LRRC4C: variants seen among roughly 807,000 people sequenced by gnomAD.
LRRC4C encodes leucine-rich repeat-containing protein 4C.
In LRRC4C, 5 loss-of-function variants were observed where a neutral mutation model predicts 33.6. That is an observed-to-expected ratio of 0.15 (90% confidence interval 0.08 to 0.31). The LOEUF is 0.31. Among genes scored for constraint, LRRC4C ranks in the 10% least tolerant of loss-of-function variants. LRRC4C has a pLI of 1.00. For synonymous variants in LRRC4C, 329 were observed against 302.0 expected (o/e 1.09, Z -0.93); for missense variants, 560 against 796.7 (o/e 0.70, Z 3.58).
At chr11:41,046,370 C>T (rs1857775042) in intron 1 of LRRC4C, among the ~76,000 whole-genome samples, 1 of 152,168 alleles carries the variant, frequency 6.6e-6, no homozygotes, top group African/African-American at 2.4e-5. Context: ...CTCTTTCTGA[C>T]TCTAATTTTG....
intron 5 of LRRC4C, among the ~76,000 whole-genome samples, chr11:40,239,364 C>T (rs1178184622): frequency 1.3e-5 from 2 of 152,120 alleles, no homozygotes; most frequent in African/African-American, 4.8e-5. Flanking sequence ...GCCTCGTCCA[C>T]TACTTTGTAA....
intron 3 of LRRC4C, among the ~76,000 whole-genome samples, chr11:40,619,050 A>C (rs1306161437): frequency 6.6e-6 from 1 of 151,766 alleles, no homozygotes; most frequent in South Asian, 2.1e-4. Context: ...ACAGAAAGAC[A>C]AACATCACAT....
chr11:41,018,559 T>C (rs964043857), intron 1 of LRRC4C, among the ~76,000 whole-genome samples: 3 of 152,166 alleles, frequency 2.0e-5, no homozygotes, highest in African/African-American at 7.2e-5. Flanking sequence ...CCTTGATTAT[T>C]TTGAGCAGAA....
chr11:40,953,235 A>T (rs1222805651), intron 1 of LRRC4C, among the ~76,000 whole-genome samples: 4 of 151,962 alleles, frequency 2.6e-5, no homozygotes, highest in Admixed American at 2.6e-4. Flanking sequence ...AGGGAGTTAT[A>T]CAAAAAAATA....
chr11:40,115,414 T>C lies in LRRC4C; in HGVS notation c.879A>G (p.Leu293=), dbSNP rs2134575307. The C allele has an allele frequency of 1.2e-6, 2 of 1,614,226 alleles. No individual in the cohort carries two copies. Among genetic ancestry groups the C allele is most frequent in the East Asian group, 4.5e-5 (2 of 44,872 alleles). Residue 293 remains leucine (L), a synonymous_variant, in exon 7 of 7, where the codon CTA becomes CTG. Coordinates refer to ENST00000528697, the MANE Select transcript of LRRC4C (RefSeq NM_001258419.2). This position sits in a 1 kb window ranked among gnomAD's most constrained non-coding sequence, Gnocchi z 6.7. ...PHDLFTPLHH[L]ERIHLHHNPW... The stretch of plus-strand genomic sequence containing the variant: ...GGTTGTGATGTAAATGTATCCGCTC[T>C]AGATGATGCAAGGGAGTGAAGAGGT...
At chr11:40,911,734 G>T (rs767033902) in intron 2 of LRRC4C, among the ~76,000 whole-genome samples, 2 of 152,016 alleles carry the variant, frequency 1.3e-5, no homozygotes, top group African/African-American at 4.8e-5. Context: ...GGCTTCAGAC[G>T]ATCAAACTAC....
chr11:40,750,009 G>C (rs1213909572), intron 2 of LRRC4C, among the ~76,000 whole-genome samples: 1 of 151,942 alleles, frequency 6.6e-6, no homozygotes, highest in East Asian at 1.9e-4. Flanking sequence ...TTACATCAAA[G>C]AAAAGCACAG....
At chr11:40,694,278 C>T (rs1945375924) in intron 2 of LRRC4C, among the ~76,000 whole-genome samples, 1 of 152,170 alleles carries the variant, frequency 6.6e-6, no homozygotes, top group Non-Finnish European at 1.5e-5. Context: ...AATGAACAGT[C>T]TTCCATCCAG....
At chr11:41,409,884 T>C (rs1291286835) in intron 1 of LRRC4C, among the ~76,000 whole-genome samples, 1 of 152,234 alleles carries the variant, frequency 6.6e-6, no homozygotes, top group Non-Finnish European at 1.5e-5. Context: ...CCAAGTCATA[T>C]GGCTACTTTT....
At chr11:40,648,042 T>A (rs1942571020) in intron 3 of LRRC4C, 100 bp downstream of exon 3, 1 of 152,324 alleles carries the variant, frequency 6.6e-6, no homozygotes, top group Non-Finnish European at 1.5e-5. Flanking sequence ...CTGTCAGCTG[T>A]ACCAAAGGAG....
chr11:40,467,516 C>A (rs371432202), intron 3 of LRRC4C, among the ~76,000 whole-genome samples: 2 of 151,948 alleles, frequency 1.3e-5, no homozygotes, highest in Non-Finnish European at 2.9e-5. Flanking sequence ...ATTTTTAGAG[C>A]GCTGGAAACC....
At chr11:40,386,270 T>C (rs111430632) in intron 3 of LRRC4C, among the ~76,000 whole-genome samples, 6 of 152,188 alleles carry the variant, frequency 3.9e-5, no homozygotes, top group African/African-American at 1.4e-4. Flanking sequence ...TTTGACAAAA[T>C]CTTGAAGATT....
chr11:40,392,075 A>G (rs988157174), intron 3 of LRRC4C, among the ~76,000 whole-genome samples: 40 of 152,198 alleles, frequency 2.6e-4, no homozygotes, highest in African/African-American at 9.6e-4. Flanking sequence ...ATTCCCAAAT[A>G]TATGACATTC....
At chr11:40,830,613 G>A (rs556816981) in intron 2 of LRRC4C, among the ~76,000 whole-genome samples, 2 of 152,044 alleles carry the variant, frequency 1.3e-5, no homozygotes, top group African/African-American at 4.8e-5. Flanking sequence ...TAAAGGAGAG[G>A]CATGTTAGCT....
intron 3 of LRRC4C, among the ~76,000 whole-genome samples, chr11:40,420,642 A>ATGCACTAAT (rs1296592587): frequency 1.3e-5 from 2 of 152,232 alleles, no homozygotes; most frequent in Non-Finnish European, 2.9e-5. Flanking sequence ...TTCCTAAAGA[A>ATGCACTAAT]TGCACTAATT....
chr11:40,903,875 C>G (rs534967186), intron 2 of LRRC4C, among the ~76,000 whole-genome samples: 1 of 151,994 alleles, frequency 6.6e-6, no homozygotes, highest in South Asian at 2.1e-4. Context: ...CATTACATGC[C>G]TGTATCAAAA....
intron 1 of LRRC4C, among the ~76,000 whole-genome samples, chr11:40,997,406 A>G (rs568110034): frequency 6.6e-6 from 1 of 152,262 alleles, no homozygotes; most frequent in Non-Finnish European, 1.5e-5. Flanking sequence ...AAGATGTCAG[A>G]TGTTGCAGAG....
intron 1 of LRRC4C, among the ~76,000 whole-genome samples, chr11:41,421,329 C>T (rs902129453): frequency 2.6e-5 from 4 of 152,012 alleles, no homozygotes; most frequent in Admixed American, 6.6e-5. Context: ...TACTACACTT[C>T]CATCTGCCAT....
At chr11:40,417,320 AT>A (rs5791378) in intron 3 of LRRC4C, among the ~76,000 whole-genome samples, 54,399 of 148,600 alleles carry the variant, frequency 0.37, 10,460 homozygotes, top group South Asian at 0.47. Flanking sequence ...GAGAGACATG[AT>A]TTTTTTTTTA....
Sources: allele counts gnomAD v4.1 joint callset (sites outside exome capture counted in the v4.1 genomes callset), GRCh38; gene constraint gnomAD v4.1.1; non-coding constraint Gnocchi (gnomAD v3.1); transcripts MANE v1.5; gene names NCBI Gene and HGNC (gene_info 2026-07-23, HGNC 2026-07-21).